The following SIL1 variants were observed in gnomAD, a reference collection of about 807,000 sequenced individuals.
SIL1 encodes the protein SIL1 nucleotide exchange factor.
A neutral mutation model predicts 49.1 loss-of-function variants in SIL1; 40 were observed. That is an observed-to-expected ratio of 0.81 (90% CI 0.63 to 1.06). The LOEUF (loss-of-function observed/expected upper bound fraction) is 1.06. Among genes scored for constraint, SIL1 ranks in the 50% least tolerant of loss-of-function variants. The pLI is 0.00. For synonymous variants in SIL1, 253 were observed against 250.8 expected (o/e 1.01, Z -0.08); for missense variants, 500 against 572.6 (o/e 0.87, Z 1.29).
intron 5 of SIL1, among the ~76,000 whole-genome samples, chr5:139,034,949 A>G (rs1038479463): frequency 1.3e-5 from 2 of 152,184 alleles, no homozygotes; most frequent in East Asian, 3.8e-4. Context: ...TGACTTTTTA[A>G]CAATAGCCAT....
At chr5:139,193,631 A>G (rs1752214582) in intron 1 of SIL1, among the ~76,000 whole-genome samples, 2 of 152,196 alleles carry the variant, frequency 1.3e-5, no homozygotes, top group South Asian at 4.1e-4. Flanking sequence ...ATGATAATGA[A>G]CAAAAGGTTG....
chr5:139,095,512 T>G (rs560915171), intron 3 of SIL1, among the ~76,000 whole-genome samples: 19 of 152,238 alleles, frequency 1.2e-4, no homozygotes, highest in Non-Finnish European at 2.1e-4. Flanking sequence ...TCCACTTGCC[T>G]TGGCCTCTCA....
At chr5:139,175,764 A>T in intron 1 of SIL1, among the ~76,000 whole-genome samples, 1 of 151,992 alleles carries the variant, frequency 6.6e-6, no homozygotes, top group Admixed American at 6.5e-5. Context: ...GGACTTCAAG[A>T]CCAGCCTGGG....
intron 3 of SIL1, among the ~76,000 whole-genome samples, chr5:139,090,813 C>A (rs374302050): frequency 2.0e-5 from 3 of 152,108 alleles, no homozygotes; most frequent in Admixed American, 1.3e-4. Flanking sequence ...TCTCTGTTGC[C>A]CAGACTGGTC....
intron 3 of SIL1, among the ~76,000 whole-genome samples, chr5:139,067,558 G>C (rs1363167977): frequency 6.6e-6 from 1 of 152,198 alleles, no homozygotes; most frequent in Admixed American, 6.5e-5. Flanking sequence ...AGCTGGTGAA[G>C]CCTCTGAGAT....
rs543170686 is a variant in SIL1 at position 139,099,354 on chromosome 5, T to C, written c.244+21681A>G. 2.9e-3 allele frequency among the ~76,000 whole-genome samples: 435 copies of C among 152,268 alleles called. 3 individuals are homozygous for C. Among genetic ancestry groups the C allele is most frequent in the African/African-American group, 0.01 (421 of 41,552 alleles). Reference sequence around the variant, plus strand: ...GGGAATGTAAATTACTACACCACTATGGAGAATAATTGGAAGTTCCTCAAA... The same window carrying C: ...GGGAATGTAAATTACTACACCACTACGGAGAATAATTGGAAGTTCCTCAAA... On this transcript the variant is annotated intron_variant, in intron 3 of 9. Transcript: ENST00000394817.
intron 7 of SIL1, among the ~76,000 whole-genome samples, chr5:138,977,517 C>G (rs1581000240): frequency 6.6e-6 from 1 of 152,048 alleles, no homozygotes; most frequent in South Asian, 2.1e-4. Context: ...GCTCTGTCAC[C>G]CAGGCTGGAG....
At chr5:139,146,089 C>T (rs954476407) in intron 1 of SIL1, among the ~76,000 whole-genome samples, 3 of 152,040 alleles carry the variant, frequency 2.0e-5, no homozygotes, top group Non-Finnish European at 4.4e-5. Context: ...AGTGATTGCC[C>T]CACCTTGGCC....
chr5:139,008,893 A>G (rs1026470809), intron 7 of SIL1, among the ~76,000 whole-genome samples: 19 of 152,108 alleles, frequency 1.2e-4, no homozygotes, highest in African/African-American at 4.3e-4. Flanking sequence ...TATGTGGTCA[A>G]TTTTGGAATA....
rs146047817 is a variant in SIL1, at chr5:139,071,762, G to A, written c.245-20716C>T. On this transcript the variant is annotated intron_variant, in intron 3 of 9. Coordinates refer to ENST00000394817, the MANE Select transcript of SIL1 (RefSeq NM_022464.5). The stretch of plus-strand genomic sequence containing the variant: ...AGCTCACTGCAACCTCCACCTTCCC[G>A]GTTCAAGCGATTCTCTGCCTCAGCC... 7.3e-3 allele frequency among the ~76,000 whole-genome samples: 1,086 copies of A among 149,608 alleles called. 14 individuals are homozygous for A. The highest frequency in any genetic ancestry group is 0.025 in the African/African-American group (1,030 of 40,532).
At chr5:138,965,441 G>A (rs1767116265) in intron 7 of SIL1, among the ~76,000 whole-genome samples, 1 of 152,174 alleles carries the variant, frequency 6.6e-6, no homozygotes, top group Admixed American at 6.5e-5. Context: ...GGAGGACCCT[G>A]TATAAGTAGG....
intron 3 of SIL1, among the ~76,000 whole-genome samples, chr5:139,103,917 C>T (rs1312912886): frequency 6.6e-6 from 1 of 152,214 alleles, no homozygotes; most frequent in Non-Finnish European, 1.5e-5. Flanking sequence ...GGCTCCAGAA[C>T]CTGCTGGCAG....
intron 1 of SIL1, chr5:139,187,765 G>C (rs1424709347): frequency 2.0e-5 from 3 of 152,310 alleles, no homozygotes; most frequent in South Asian, 4.1e-4. Context: ...GCCATTGAAG[G>C]CTTCTGATAT....
intron 7 of SIL1, among the ~76,000 whole-genome samples, chr5:138,978,963 A>G (rs1278468757): frequency 6.6e-6 from 1 of 152,186 alleles, no homozygotes; most frequent in African/African-American, 2.4e-5. Context: ...AAAGTCCCTT[A>G]CCAGATATAT....
At chr5:138,958,154 T>G (rs921772811) in intron 7 of SIL1, among the ~76,000 whole-genome samples, 1 of 152,246 alleles carries the variant, frequency 6.6e-6, no homozygotes, top group African/African-American at 2.4e-5. Flanking sequence ...TGGTCTCCTT[T>G]CATCTGGAAC....
intron 1 of SIL1, among the ~76,000 whole-genome samples, chr5:139,177,469 A>T (rs2151818207): frequency 6.6e-6 from 1 of 151,626 alleles, no homozygotes; most frequent in South Asian, 2.1e-4. Context: ...CGAATTCCTG[A>T]TCTCGTGATC....
intron 7 of SIL1, among the ~76,000 whole-genome samples, chr5:138,956,271 C>T (rs566289144): frequency 6.6e-6 from 1 of 152,294 alleles, no homozygotes; most frequent in East Asian, 1.9e-4. Context: ...CACCTTCTTG[C>T]CCAGAAAGAA....
At chr5:139,196,082 C>T (rs749040637) in intron 1 of SIL1, among the ~76,000 whole-genome samples, 2 of 152,092 alleles carry the variant, frequency 1.3e-5, no homozygotes, top group Non-Finnish European at 2.9e-5. Context: ...CCCAACTACT[C>T]AGGAGGCTTT....
At chr5:139,029,866 A>T (rs1480553618) in intron 5 of SIL1, among the ~76,000 whole-genome samples, 1 of 150,870 alleles carries the variant, frequency 6.6e-6, no homozygotes, top group African/African-American at 2.4e-5. Flanking sequence ...CATAGTCCTA[A>T]CTACTCAGGC....
Sources: gnomAD v4.1 joint callset for allele counts (sites outside exome capture counted in the v4.1 genomes callset) on GRCh38, gnomAD v4.1.1 for gene constraint, MANE v1.5 for transcripts, NCBI Gene and HGNC (gene_info 2026-07-23, HGNC 2026-07-21) for gene names.